The following RIMS2 variants were observed in gnomAD, a reference collection of about 807,000 sequenced individuals.
RIMS2 encodes regulating synaptic membrane exocytosis protein 2.
Under a neutral mutation model 174.4 loss-of-function variants are expected in RIMS2, and 59 were observed. The observed-to-expected ratio is 0.34, with a 90% CI of 0.27 to 0.42. The LOEUF (loss-of-function observed/expected upper bound fraction) is 0.42. Ranked by LOEUF, RIMS2 falls within the 10% of genes least tolerant of loss-of-function variation. The pLI, the probability that RIMS2 is intolerant of heterozygous loss-of-function variation, is 1.00. For missense variants in RIMS2, 1,620 were observed against 1,666.3 expected (o/e 0.97, Z 0.48); for synonymous variants, 606 against 572.5 (o/e 1.06, Z -0.84).
At chr8:103,711,913 T>TCA in intron 2 of RIMS2, among the ~76,000 whole-genome samples, 1 of 151,600 alleles carries the variant, frequency 6.6e-6, no homozygotes, top group Non-Finnish European at 1.5e-5. Context: ...TATATATATA[T>TCA]ATCACACTTT....
At chr8:103,733,315 C>G (rs963528592) in intron 2 of RIMS2, among the ~76,000 whole-genome samples, 2 of 151,938 alleles carry the variant, frequency 1.3e-5, no homozygotes, top group African/African-American at 4.8e-5. Flanking sequence ...AAGACAAATC[C>G]TTTTTACTCT....
chr8:103,814,805 G>C (rs10104636), intron 3 of RIMS2, among the ~76,000 whole-genome samples: 1,768 of 152,192 alleles, frequency 0.012, 33 homozygotes, highest in African/African-American at 0.039. Flanking sequence ...GTTGAACCCA[G>C]GAGTTCGGAG....
intron 19 of RIMS2, among the ~76,000 whole-genome samples, chr8:104,044,026 A>G (rs2096651686): frequency 5.3e-5 from 8 of 151,696 alleles, no homozygotes; most frequent in Admixed American, 4.6e-4. Context: ...CTGGGATTGT[A>G]TAGCATATAT....
intron 19 of RIMS2, among the ~76,000 whole-genome samples, chr8:104,190,578 T>G (rs1198946469): frequency 6.6e-6 from 1 of 152,094 alleles, no homozygotes; most frequent in Non-Finnish European, 1.5e-5. Context: ...ATATTTTGAT[T>G]TGTCTCCTCC....
intron 1 of RIMS2, 82 bp from the exon 2 acceptor site, chr8:103,652,123 T>A: frequency 1.6e-6 from 1 of 608,240 alleles, no homozygotes; most frequent in South Asian, 1.8e-5. Context: ...ATTTTTGGTG[T>A]CCATTTTATA....
At chr8:103,755,395 C>G (rs892568526) in intron 2 of RIMS2, among the ~76,000 whole-genome samples, 2 of 152,018 alleles carry the variant, frequency 1.3e-5, no homozygotes, top group East Asian at 3.9e-4. Context: ...GTGTATCTGA[C>G]GATTATGTGT....
intron 5 of RIMS2, 124 bp from the exon 9 acceptor site, chr8:103,911,929 A>G (rs2075754988): frequency 3.0e-6 from 2 of 671,314 alleles, no homozygotes; most frequent in South Asian, 2.4e-5. Flanking sequence ...TTGTGTAATC[A>G]TAACACTGAA....
intron 1 of RIMS2, among the ~76,000 whole-genome samples, chr8:103,598,168 T>G (rs1426286): frequency 0.36 from 54,752 of 152,010 alleles, 10,548 homozygotes; most frequent in East Asian, 0.77. Flanking sequence ...CTGAACTAAA[T>G]CAGATTTCCC....
chr8:103,652,652 C>A, intron 1 of RIMS2: 1 of 1,350,510 alleles, frequency 7.4e-7, no homozygotes, highest in Non-Finnish European at 9.8e-7. Context: ...AATCACTGAA[C>A]TGGTAAATAA....
chr8:103,897,135 A>T (rs2099287505), intron 4 of RIMS2, among the ~76,000 whole-genome samples: 2 of 151,408 alleles, frequency 1.3e-5, no homozygotes, highest in African/African-American at 2.4e-5. Flanking sequence ...AATCTTGTGA[A>T]TTTTTTTCCC....
intron 3 of RIMS2, among the ~76,000 whole-genome samples, chr8:103,874,757 C>T (rs2154514532): frequency 1.3e-5 from 2 of 152,196 alleles, no homozygotes; most frequent in Middle Eastern, 6.8e-3. Flanking sequence ...TTCTCATGGT[C>T]TCAGACATGC....
At chr8:103,576,334 C>T (rs921897211) in intron 1 of RIMS2, among the ~76,000 whole-genome samples, 2 of 152,172 alleles carry the variant, frequency 1.3e-5, no homozygotes, top group Admixed American at 1.3e-4. Context: ...AATCACAAAG[C>T]ATCTGTAAGC....
chr8:103,954,093 G>C (rs1323484658), intron 14 of RIMS2, among the ~76,000 whole-genome samples: 1 of 152,146 alleles, frequency 6.6e-6, no homozygotes, highest in Admixed American at 6.5e-5. Context: ...AGAGCACCCA[G>C]ATTCATAAAG....
At chr8:104,120,643 A>C in intron 19 of RIMS2, among the ~76,000 whole-genome samples, 1 of 150,996 alleles carries the variant, frequency 6.6e-6, no homozygotes, top group East Asian at 1.9e-4. Flanking sequence ...GATCAAATTA[A>C]GTGATGATTT....
chr8:104,141,065 A>C (rs1323501419), intron 19 of RIMS2, among the ~76,000 whole-genome samples: 2 of 152,148 alleles, frequency 1.3e-5, no homozygotes, highest in Admixed American at 6.5e-5. Flanking sequence ...TTTGTGCTTA[A>C]TTGTTTTTAA....
At chr8:103,928,770 T>C (rs1035469836) in intron 11 of RIMS2, among the ~76,000 whole-genome samples, 1 of 151,396 alleles carries the variant, frequency 6.6e-6, no homozygotes, top group Non-Finnish European at 1.5e-5. Flanking sequence ...GAATGAGAAA[T>C]ATTTTAAAAC....
intron 1 of RIMS2, among the ~76,000 whole-genome samples, chr8:103,656,219 T>C (rs1048059232): frequency 3.9e-5 from 6 of 152,164 alleles, no homozygotes; most frequent in Non-Finnish European, 5.9e-5. Flanking sequence ...CGTGATGTTA[T>C]TAAATATGAT....
chr8:104,074,494 T>C (rs771773401), intron 19 of RIMS2, among the ~76,000 whole-genome samples: 11 of 152,216 alleles, frequency 7.2e-5, no homozygotes, highest in Non-Finnish European at 1.3e-4. Flanking sequence ...ACACCAGATA[T>C]GAATCTGACA....
intron 1 of RIMS2, among the ~76,000 whole-genome samples, chr8:103,603,360 G>C (rs2094861896): frequency 6.6e-6 from 1 of 151,300 alleles, no homozygotes. Context: ...GTATTCCATG[G>C]TGTATATGTG....
Sources: gnomAD v4.1 joint callset for allele counts (sites outside exome capture counted in the v4.1 genomes callset) on GRCh38, gnomAD v4.1.1 for gene constraint, MANE v1.5 for transcripts, NCBI Gene and HGNC (gene_info 2026-07-23, HGNC 2026-07-21) for gene names.